TENT4B: variants seen among roughly 807,000 people sequenced by gnomAD.
TENT4B encodes the protein terminal nucleotidyltransferase 4B.
TENT4B carries 10 observed loss-of-function variants against 75.0 expected under a neutral mutation model. The observed-to-expected ratio is 0.13, with a 90% CI of 0.08 to 0.23. The LOEUF is 0.23. TENT4B is among the 10% of genes least tolerant of loss of function. The pLI, the probability that TENT4B is intolerant of heterozygous loss-of-function variation, is 1.00. For missense variants in TENT4B, 579 were observed against 893.8 expected (o/e 0.65, Z 4.49); for synonymous variants, 350 against 357.7 (o/e 0.98, Z 0.24).
rs1450675619 is a variant in TENT4B, at chr16:50,153,722, A to G, written c.101A>G (p.Tyr34Cys). The G allele has an allele frequency of 1.9e-6, 2 of 1,042,108 alleles. No homozygotes were observed. The highest frequency in any genetic ancestry group is 8.4e-5 in the East Asian group (1 of 11,940). The allele number at this position is 1,042,108 out of a possible 1,614,324, so 64.6% of individuals were successfully genotyped here. A position where few individuals can be genotyped will look rare whatever the true frequency, so the allele number is the denominator to read the frequency against. ...ACGACCCAGGGGCTGAGGAACCTCTACTTCAACCACCACTGTCACAGCAGC... is the reference window on the plus strand; with the variant it reads ...ACGACCCAGGGGCTGAGGAACCTCTGCTTCAACCACCACTGTCACAGCAGC... ...WETTQGLRNL[Y>C]FNHHCHSSGG... The change falls in exon 1 of 12, where the codon TAC (tyrosine) becomes TGC (cysteine). Residue 34 changes from tyrosine (Y) to cysteine (C), a missense_variant. Physicochemically the swap from Tyr to Cys is radical, Grantham distance 194. This residue lies in a region of TENT4B where 253 missense variants were observed against 270.1 expected (regional missense o/e 0.94). Coordinates refer to ENST00000561678, the MANE Select transcript of TENT4B (RefSeq NM_001365324.3).
intron 1 of TENT4B, among the ~76,000 whole-genome samples, chr16:50,191,003 A>G (rs751675773): frequency 5.3e-5 from 8 of 151,992 alleles, no homozygotes; most frequent in Non-Finnish European, 1.0e-4. Context: ...CATTAGCTTA[A>G]TGTCCTCAAG....
At position 50,225,180 on chromosome 16, in the gene TENT4B, A is replaced by G. The variant is rs149703019; in HGVS notation, c.1695A>G (p.Gly565=). 17 of 1,613,956 alleles carry G rather than the reference A, an allele frequency of 1.1e-5. No homozygotes were observed. The African/African-American group carries it at 2.3e-4, about 22-fold the overall frequency. The change falls in exon 10 of 12, where the codon GGA becomes GGG. Residue 565 remains glycine (G), a synonymous_variant. Transcript: ENST00000561678. ...NNLSEENEAL[G]KCRSKTSESL... is the part of the protein sequence containing the mutation. ...TATCTGAAGAAAATGAAGCCCTTGG[A>G]AAATGTAGAAGTAAAACCTCGGAAT...
intron 1 of TENT4B, among the ~76,000 whole-genome samples, chr16:50,175,650 T>A (rs1434282621): frequency 6.6e-6 from 1 of 151,990 alleles, no homozygotes; most frequent in Non-Finnish European, 1.5e-5. Flanking sequence ...TTTTGTATTT[T>A]GAGTAGAGAC....
At chr16:50,166,122 G>C (rs1272344486) in intron 1 of TENT4B, among the ~76,000 whole-genome samples, 1 of 99,172 alleles carries the variant, frequency 1.0e-5, no homozygotes, top group Admixed American at 1.3e-4. Flanking sequence ...TTGCTTTATT[G>C]CCCAGGCTGG....
At chr16:50,227,463 A>C (rs997719523) in intron 10 of TENT4B, among the ~76,000 whole-genome samples, 1 of 152,012 alleles carries the variant, frequency 6.6e-6, no homozygotes, top group Non-Finnish European at 1.5e-5. Context: ...ACAGACTCTC[A>C]GAGATTGAAC....
intron 10 of TENT4B, among the ~76,000 whole-genome samples, chr16:50,226,085 C>T (rs758561414): frequency 6.6e-6 from 1 of 151,898 alleles, no homozygotes; most frequent in East Asian, 1.9e-4. Context: ...CCTCAACCTT[C>T]GCCTCCTGGG....
chr16:50,164,559 G>C (rs948895424), intron 1 of TENT4B, among the ~76,000 whole-genome samples: 2 of 149,590 alleles, frequency 1.3e-5, no homozygotes, highest in Admixed American at 1.3e-4. Flanking sequence ...CACCTGCCTC[G>C]GCCTCCCAAA....
intron 1 of TENT4B, among the ~76,000 whole-genome samples, chr16:50,206,354 A>ATT (rs35118426): frequency 4.6e-4 from 44 of 96,474 alleles, no homozygotes; most frequent in East Asian, 1.2e-3. Flanking sequence ...ATATGTATGT[A>ATT]TTTTTTTTTT....
At chr16:50,195,856 C>T (rs988263855) in intron 1 of TENT4B, among the ~76,000 whole-genome samples, 1 of 152,130 alleles carries the variant, frequency 6.6e-6, no homozygotes, top group South Asian at 2.1e-4. Context: ...AGATCTTATA[C>T]TGTATTCAGG....
intron 1 of TENT4B, among the ~76,000 whole-genome samples, chr16:50,186,466 T>TG (rs1448341602): frequency 1.2e-4 from 18 of 152,224 alleles, no homozygotes; most frequent in African/African-American, 4.3e-4. Context: ...ATATACCACA[T>TG]TTTGTTTTTT....
chr16:50,213,895 C>T (rs2031415740), intron 2 of TENT4B, among the ~76,000 whole-genome samples: 2 of 152,182 alleles, frequency 1.3e-5, no homozygotes. Context: ...TGCAAATACT[C>T]TACCATTTTA....
chr16:50,217,725 T>C (rs970719132), intron 5 of TENT4B, 62 bp downstream of exon 5: 1 of 1,032,078 alleles, frequency 9.7e-7, no homozygotes, highest in African/African-American at 1.7e-5. Context: ...GATTCTGTTG[T>C]GGTGGTGTTC....
chr16:50,222,567 C>T, intron 6 of TENT4B, 133 bp downstream of exon 6: 2 of 866,466 alleles, frequency 2.3e-6, no homozygotes, highest in Non-Finnish European at 3.5e-6. Context: ...CGGCTTTTCC[C>T]TTTAAACTGG....
At chr16:50,220,944 G>A (rs1410355997) in intron 5 of TENT4B, among the ~76,000 whole-genome samples, 1 of 151,936 alleles carries the variant, frequency 6.6e-6, no homozygotes, top group Non-Finnish European at 1.5e-5. Context: ...AGCCATGCGT[G>A]TTCATTGTAG....
intron 2 of TENT4B, 53 bp downstream of exon 2, chr16:50,211,499 A>G: frequency 1.3e-6 from 2 of 1,484,640 alleles, no homozygotes; most frequent in Non-Finnish European, 1.8e-6. Flanking sequence ...TCCACGGGCT[A>G]GAAGCCTATC....
intron 1 of TENT4B, among the ~76,000 whole-genome samples, chr16:50,175,151 T>C (rs765531900): frequency 1.1e-4 from 17 of 152,224 alleles, no homozygotes; most frequent in Middle Eastern, 3.2e-3. Context: ...TATTTCTCTT[T>C]CTGGGTCTGG....
chr16:50,212,362 A>C (rs751984949), intron 2 of TENT4B, among the ~76,000 whole-genome samples: 3 of 152,018 alleles, frequency 2.0e-5, no homozygotes, highest in Non-Finnish European at 4.4e-5. Context: ...TTGGCCTGTT[A>C]CTGGTACTAA....
At chr16:50,173,560 G>GT (rs1302243105) in intron 1 of TENT4B, among the ~76,000 whole-genome samples, 1 of 152,092 alleles carries the variant, frequency 6.6e-6, no homozygotes, top group African/African-American at 2.4e-5. Flanking sequence ...CCACATCCTC[G>GT]TTAGCATTTG....
chr16:50,167,037 A>G (rs2038114516), intron 1 of TENT4B, among the ~76,000 whole-genome samples: 2 of 151,730 alleles, frequency 1.3e-5, no homozygotes, highest in South Asian at 4.2e-4. Flanking sequence ...AGTACTCACG[A>G]CTCATCTTCC....
Sources: gnomAD v4.1 joint callset for allele counts (sites outside exome capture counted in the v4.1 genomes callset) on GRCh38, gnomAD v4.1.1 for gene constraint, gnomAD v4.1.1 regional missense constraint, MANE v1.5 for transcripts, NCBI Gene and HGNC (gene_info 2026-07-23, HGNC 2026-07-21) for gene names.